RDX: variants seen among roughly 807,000 people sequenced by gnomAD.
RDX encodes the protein radixin.
A neutral mutation model predicts 83.7 loss-of-function variants in RDX; 32 were observed. The observed-to-expected ratio is 0.38, with a 90% confidence interval of 0.29 to 0.51. RDX has a LOEUF of 0.51. Among genes scored for constraint, RDX ranks in the 20% least tolerant of loss-of-function variants. RDX has a pLI of 0.87. For synonymous variants in RDX, 229 were observed against 222.7 expected (o/e 1.03, Z -0.25); for missense variants, 600 against 689.9 (o/e 0.87, Z 1.46).
chr11:110,236,488 A>G (rs376662363), intron 11 of RDX: 13 of 318,770 alleles, frequency 4.1e-5, no homozygotes, highest in African/African-American at 2.6e-4. Flanking sequence ...TTCCATCAAT[A>G]AACTATTTGT....
intron 10 of RDX, among the ~76,000 whole-genome samples, chr11:110,240,289 GA>G (rs1865031348): frequency 6.6e-6 from 1 of 151,904 alleles, no homozygotes; most frequent in South Asian, 2.1e-4. Context: ...ACCAAGCACA[GA>G]AAGACAACTA....
intron 3 of RDX, among the ~76,000 whole-genome samples, chr11:110,270,882 A>T (rs1860278416): frequency 6.6e-6 from 1 of 152,228 alleles, no homozygotes; most frequent in Non-Finnish European, 1.5e-5. Context: ...TACTATAAAT[A>T]ACATTTCAAT....
At chr11:110,249,853 G>C (rs1859255968) in intron 9 of RDX, among the ~76,000 whole-genome samples, 1 of 152,110 alleles carries the variant, frequency 6.6e-6, no homozygotes, top group Admixed American at 6.5e-5. Context: ...CAGCCTGGCA[G>C]GCAACTGAGC....
intron 15 of RDX, among the ~76,000 whole-genome samples, chr11:110,175,667 G>GCCCT (rs963015336): frequency 6.6e-6 from 1 of 152,162 alleles, no homozygotes; most frequent in Non-Finnish European, 1.5e-5. Flanking sequence ...AGCCTTCAAA[G>GCCCT]CCCTCTCCCC....
Position 110,248,162 on chromosome 11 carries a change from A to C in RDX, c.960-329T>G, listed in dbSNP as rs116441615. On this transcript the variant is annotated intron_variant, in intron 9 of 13. Transcript: ENST00000645495. ...ATTGCTCGAGTGACAGGTGCACTAAAATCTCAGAATACACAATGATAGAAC... is the reference window on the plus strand; with the variant it reads ...ATTGCTCGAGTGACAGGTGCACTAACATCTCAGAATACACAATGATAGAAC... Among the ~76,000 whole-genome samples, 327 of 152,300 alleles carry C rather than the reference A, an allele frequency of 2.1e-3. 2 individuals carry two copies. Among genetic ancestry groups the C allele is most frequent in the African/African-American group, 7.7e-3 (319 of 41,556 alleles).
At chr11:110,215,501 A>T (rs367825426) in intron 14 of RDX, among the ~76,000 whole-genome samples, 2 of 152,280 alleles carry the variant, frequency 1.3e-5, no homozygotes, top group South Asian at 4.2e-4. Flanking sequence ...TCTTGAAAAC[A>T]GGAGCACTAA....
chr11:110,217,886 A>C (rs1289450256), intron 14 of RDX, among the ~76,000 whole-genome samples: 1 of 144,418 alleles, frequency 6.9e-6, no homozygotes, highest in East Asian at 2.1e-4. Context: ...ATAATTATTT[A>C]ACTCTTCTGT....
intron 14 of RDX, among the ~76,000 whole-genome samples, chr11:110,213,163 AC>A (rs1472902756): frequency 6.6e-6 from 1 of 152,058 alleles, no homozygotes; most frequent in Non-Finnish European, 1.5e-5. Context: ...TCAATGTAGT[AC>A]AAAAATCACA....
chr11:110,272,672 G>A (rs1490398558), intron 2 of RDX, 53 bp from the exon 3 acceptor site: 1 of 1,214,350 alleles, frequency 8.2e-7, no homozygotes, highest in African/African-American at 1.5e-5. Context: ...TTAGGCGTGA[G>A]AAAACTTTTA....
intron 1 of RDX, among the ~76,000 whole-genome samples, chr11:110,281,854 T>C (rs1260915627): frequency 6.8e-6 from 1 of 148,026 alleles, no homozygotes; most frequent in Non-Finnish European, 1.5e-5. Flanking sequence ...CGTGTGTAAT[T>C]CCAGCAATTT....
intron 5 of RDX, among the ~76,000 whole-genome samples, chr11:110,259,135 G>T (rs532813550): frequency 6.6e-6 from 1 of 151,512 alleles, no homozygotes; most frequent in East Asian, 1.9e-4. Flanking sequence ...ACGGGGTTTC[G>T]CCATGTTGGC....
chr11:110,266,261 A>T (rs1860042889), intron 3 of RDX, among the ~76,000 whole-genome samples: 1 of 151,992 alleles, frequency 6.6e-6, no homozygotes, highest in African/African-American at 2.4e-5. Context: ...TGAACCCGGG[A>T]AGCGGAGCTT....
chr11:110,211,133 A>G (rs1381792998), intron 14 of RDX, among the ~76,000 whole-genome samples: 1 of 152,222 alleles, frequency 6.6e-6, no homozygotes, highest in Non-Finnish European at 1.5e-5. Flanking sequence ...CTCAAAATAA[A>G]AGGATGAAGA....
At chr11:110,296,245 G>A (rs528858017) in intron 1 of RDX, among the ~76,000 whole-genome samples, 34 of 152,008 alleles carry the variant, frequency 2.2e-4, no homozygotes, top group Admixed American at 1.2e-3. Flanking sequence ...GCCACGACTC[G>A]GGCAGGGCCT....
chr11:110,265,252 A>G (rs543857943), intron 3 of RDX, among the ~76,000 whole-genome samples: 1 of 151,760 alleles, frequency 6.6e-6, no homozygotes, highest in African/African-American at 2.4e-5. Flanking sequence ...TACCACGCCT[A>G]GCTAATTTTT....
chr11:110,242,023 A>C (rs2134325255), intron 10 of RDX, among the ~76,000 whole-genome samples: 1 of 151,972 alleles, frequency 6.6e-6, no homozygotes, highest in Middle Eastern at 3.4e-3. Context: ...GGTTGTGGGG[A>C]GGGGGGAAAT....
intron 12 of RDX, among the ~76,000 whole-genome samples, chr11:110,235,817 T>A (rs1021112013): frequency 5.3e-5 from 8 of 152,192 alleles, no homozygotes; most frequent in African/African-American, 1.9e-4. Flanking sequence ...CAATTTTACA[T>A]CCCAATCTTT....
chr11:110,208,392 C>T (rs989615067), intron 14 of RDX, among the ~76,000 whole-genome samples: 2 of 152,312 alleles, frequency 1.3e-5, no homozygotes, highest in Middle Eastern at 3.4e-3. Flanking sequence ...CCACCCTCCT[C>T]GCTGGCTCTC....
rs751830260 is a variant in RDX at position 110,264,232 on chromosome 11, T to C, written c.195A>G (p.Val65=). Residue 65 remains valine, a splice_region_variant and synonymous_variant, in exon 5 of 14, where the codon GTA becomes GTG. Coordinates refer to ENST00000645495, the MANE Select transcript of RDX (RefSeq NM_002906.4). ...TCTCTTTTTTAACATCCTGCTGTGT[T>C]ACCTGGAAAAATAATTTCAAGTATA... ...YSTWLKLNKK[V]TQQDVKKENP... 1.9e-6 allele frequency: 3 copies of C among 1,595,860 alleles called. No homozygotes were observed. Among genetic ancestry groups the C allele is most frequent in the Non-Finnish European group, 2.6e-6 (3 of 1,171,022 alleles).
Sources: gnomAD v4.1 joint callset for allele counts (sites outside exome capture counted in the v4.1 genomes callset) on GRCh38, gnomAD v4.1.1 for gene constraint, MANE v1.5 for transcripts, NCBI Gene and HGNC (gene_info 2026-07-23, HGNC 2026-07-21) for gene names.